The following ABCD3 variants were observed in gnomAD, a reference collection of about 807,000 sequenced individuals.
ABCD3 encodes the protein ATP-binding cassette sub-family D member 3.
Under a neutral mutation model 105.5 loss-of-function variants are expected in ABCD3, and 41 were observed. The ratio of observed to expected loss-of-function variants is 0.39; its 90% CI spans 0.30 to 0.50. The LOEUF is 0.50. ABCD3 is among the 20% of genes least tolerant of loss of function. ABCD3 has a pLI of 0.84. For missense variants in ABCD3, 622 were observed against 806.3 expected (o/e 0.77, Z 2.77); for synonymous variants, 258 against 269.0 (o/e 0.96, Z 0.40).
the ABCD3 span, among the ~76,000 whole-genome samples, chr1:94,387,280 A>G: frequency 6.6e-6 from 1 of 152,330 alleles, no homozygotes; most frequent in Non-Finnish European, 1.5e-5. Context: ...GAAATAGTCC[A>G]TACCATCATT....
At chr1:94,420,174 A>G (rs1169832912) in intron 1 of ABCD3, among the ~76,000 whole-genome samples, 1 of 152,188 alleles carries the variant, frequency 6.6e-6, no homozygotes, top group Non-Finnish European at 1.5e-5. Context: ...GAGCTTGAAG[A>G]ATTTTTACAA....
At position 94,480,830 on chromosome 1, in the gene ABCD3, AC is replaced by A. The variant is rs1414538919; in HGVS notation, c.827+226del. On this transcript the variant is annotated intron_variant, in intron 9 of 22. Coordinates refer to ENST00000370214, the MANE Select transcript of ABCD3 (RefSeq NM_002858.4). ...TAGTATTCCTGATTCACCTGTTCAT[AC>A]CTTCTGTTGATGAATTTTCTGTTAA... 3.9e-5 allele frequency among the ~76,000 whole-genome samples: 6 copies of A among 152,280 alleles called. No homozygotes were observed. In the East Asian group the frequency reaches 1.2e-3, roughly 29 times the overall value.
chr1:94,477,439 G>A (rs1211655315), intron 7 of ABCD3, among the ~76,000 whole-genome samples: 2 of 151,592 alleles, frequency 1.3e-5, no homozygotes, highest in Non-Finnish European at 2.9e-5. Context: ...ACTATCCTGG[G>A]CAACATGGTG....
At chr1:94,463,179 T>G (rs1222494759) in intron 2 of ABCD3, among the ~76,000 whole-genome samples, 1 of 152,208 alleles carries the variant, frequency 6.6e-6, no homozygotes, top group African/African-American at 2.4e-5. Flanking sequence ...TGCAACTTTG[T>G]CTGAAAGACC....
chr1:94,479,633 G>A (rs1242571958), intron 8 of ABCD3, among the ~76,000 whole-genome samples: 1 of 152,112 alleles, frequency 6.6e-6, no homozygotes. Flanking sequence ...AGAAGAACTG[G>A]AGGTGATATC....
At chr1:94,435,210 C>T (rs1464270834) in intron 1 of ABCD3, among the ~76,000 whole-genome samples, 1 of 151,622 alleles carries the variant, frequency 6.6e-6, no homozygotes, top group Non-Finnish European at 1.5e-5. Flanking sequence ...GTTTTTTTTC[C>T]ACTTCCTAGG....
At chr1:94,399,896 T>A in the ABCD3 span, among the ~76,000 whole-genome samples, 1 of 152,050 alleles carries the variant, frequency 6.6e-6, no homozygotes, top group Non-Finnish European at 1.5e-5. Flanking sequence ...GCACCAGCGA[T>A]TTAGTAGGGA....
chr1:94,452,353 T>C (rs1233079487), intron 1 of ABCD3, among the ~76,000 whole-genome samples: 1 of 152,190 alleles, frequency 6.6e-6, no homozygotes, highest in East Asian at 1.9e-4. Context: ...AGCGCAGTAT[T>C]AGGTTGAAGC....
chr1:94,499,897 A>C (rs1650009607), intron 20 of ABCD3, among the ~76,000 whole-genome samples: 1 of 152,192 alleles, frequency 6.6e-6, no homozygotes, highest in Non-Finnish European at 1.5e-5. Context: ...TCTGTAGCTC[A>C]TTATTCCTGG....
chr1:94,388,488 C>G, the ABCD3 span, among the ~76,000 whole-genome samples: 1 of 152,286 alleles, frequency 6.6e-6, no homozygotes, highest in African/African-American at 2.4e-5. Flanking sequence ...TATATGCTTA[C>G]AATTCTATAA....
the ABCD3 span, chr1:94,406,335 G>GTTTTTT: frequency 6.7e-5 from 12 of 179,238 alleles, no homozygotes; most frequent in African/African-American, 9.1e-5. Flanking sequence ...ATAGTATTTT[G>GTTTTTT]TTTTGTTTTT....
At chr1:94,433,176 C>T (rs1486446441) in intron 1 of ABCD3, among the ~76,000 whole-genome samples, 4 of 133,784 alleles carry the variant, frequency 3.0e-5, no homozygotes, top group Non-Finnish European at 4.7e-5. Flanking sequence ...TTTTTCCAGA[C>T]ATAGTTTCGC....
At chr1:94,498,160 G>T (rs142489844) in intron 16 of ABCD3, among the ~76,000 whole-genome samples, 4 of 152,174 alleles carry the variant, frequency 2.6e-5, no homozygotes, top group African/African-American at 7.2e-5. Flanking sequence ...TAAACTGCTG[G>T]ACTCAAGCAA....
chr1:94,475,281 G>A (rs1648683191), intron 6 of ABCD3, 41 bp downstream of exon 6: 2 of 1,274,008 alleles, frequency 1.6e-6, no homozygotes, highest in South Asian at 1.4e-5. Flanking sequence ...TATTTAAATA[G>A]AAGAGTATTT....
At chr1:94,469,120 A>G (rs901626986) in intron 4 of ABCD3, among the ~76,000 whole-genome samples, 1 of 152,164 alleles carries the variant, frequency 6.6e-6, no homozygotes, top group Non-Finnish European at 1.5e-5. Flanking sequence ...TCTCACTCAC[A>G]ACTGTCATTA....
At chr1:94,487,450 A>G in intron 10 of ABCD3, 92 bp from the exon 11 acceptor site, 2 of 1,126,142 alleles carry the variant, frequency 1.8e-6, no homozygotes, top group Non-Finnish European at 2.6e-6. Context: ...TATTTGTTGA[A>G]TAAATGAACT....
intron 1 of ABCD3, among the ~76,000 whole-genome samples, chr1:94,422,703 C>T (rs945889171): frequency 5.9e-5 from 9 of 152,066 alleles, no homozygotes; most frequent in African/African-American, 1.9e-4. Flanking sequence ...AACTTTTAAG[C>T]GTAATTGACA....
chr1:94,483,042 A>C (rs1259337651), intron 9 of ABCD3, 128 bp from the exon 10 acceptor site: 2 of 698,364 alleles, frequency 2.9e-6, no homozygotes, highest in African/African-American at 3.5e-5. Flanking sequence ...CTTGAGATGC[A>C]CCAGATAAGC....
chr1:94,480,194 C>T, intron 8 of ABCD3: 2 of 477,714 alleles, frequency 4.2e-6, no homozygotes, highest in Non-Finnish European at 3.8e-6. Context: ...CATAGAAAAA[C>T]TGTGAACTGC....
Sources: allele counts gnomAD v4.1 joint callset (sites outside exome capture counted in the v4.1 genomes callset), GRCh38; gene constraint gnomAD v4.1.1; transcripts MANE v1.5; gene names NCBI Gene and HGNC (gene_info 2026-07-23, HGNC 2026-07-21).